The following MAP3K15 variants were observed in gnomAD, a reference collection of about 807,000 sequenced individuals.
MAP3K15 encodes the protein MAPK/ERK kinase kinase 15.
In MAP3K15, 124 loss-of-function variants were observed where a neutral mutation model predicts 99.5. The ratio of observed to expected loss-of-function variants is 1.25; its 90% CI spans 1.08 to 1.45. MAP3K15 has a LOEUF of 1.45. Among genes scored for constraint, MAP3K15 ranks in the 40% most tolerant of loss-of-function variants. The pLI is 0.00. For synonymous variants in MAP3K15, 494 were observed against 439.6 expected (o/e 1.12, Z -1.55); for missense variants, 1,242 against 1,079.7 (o/e 1.15, Z -2.11).
intron 6 of MAP3K15, among the ~76,000 whole-genome samples, chrX:19,441,372 G>C (rs1038921139): frequency 9.1e-5 from 10 of 109,611 alleles, no homozygotes; most frequent in African/African-American, 3.3e-4. Flanking sequence ...TGGGCTTTTG[G>C]TGGCGGGGGG....
At chrX:19,422,041 A>G (rs1346710190) in intron 9 of MAP3K15, among the ~76,000 whole-genome samples, 9 of 111,155 alleles carry the variant, frequency 8.1e-5, no homozygotes, top group African/African-American at 3.0e-4. Context: ...AAGATGGATT[A>G]AAGACTTACA....
chrX:19,484,979 T>A (rs2064313377), intron 3 of MAP3K15, among the ~76,000 whole-genome samples: 1 of 110,952 alleles, frequency 9.0e-6, no homozygotes, highest in Admixed American at 9.6e-5. Context: ...CCAATCTCCT[T>A]CGACTTCTTC....
At position 19,456,971 on chromosome X, in the gene MAP3K15, T is replaced by A. The variant is rs2064097941; in HGVS notation, c.937A>T (p.Thr313Ser). 8.3e-7 allele frequency: 1 copy of A among 1,199,694 alleles called. No homozygotes were observed. Among genetic ancestry groups the A allele is most frequent in the African/African-American group, 1.7e-5 (1 of 57,815 alleles). ...TTATGCTGATCGGCCAAATCACACGTAGGCAGCATCTCCAGTGTTTCCACC... is the reference window on the plus strand; with the variant it reads ...TTATGCTGATCGGCCAAATCACACGAAGGCAGCATCTCCAGTGTTTCCACC... ...KLVETLEMLP[T>S]CDLADQHNIK... The change falls in exon 6 of 29, where the codon ACG becomes TCG. Residue 313 changes from threonine to serine, a missense_variant. Physicochemically the swap from Thr to Ser is moderately conservative, Grantham distance 58. Transcript: ENST00000338883.
At chrX:19,366,006 C>CAAAAAA (rs1172350617) in intron 25 of MAP3K15, among the ~76,000 whole-genome samples, 14 of 20,067 alleles carry the variant, frequency 7.0e-4, no homozygotes, top group Admixed American at 1.3e-3. Flanking sequence ...GCCTCCATCT[C>CAAAAAA]AAAAAAAAAA....
At chrX:19,445,326 C>A (rs1236527971) in intron 6 of MAP3K15, among the ~76,000 whole-genome samples, 2 of 110,313 alleles carry the variant, frequency 1.8e-5, no homozygotes, top group Non-Finnish European at 3.8e-5. Context: ...CATGGTGGCT[C>A]ATGCCTGTAA....
At chrX:19,360,964 CCAG>C (rs1291071314) in intron 28 of MAP3K15, 131 bp from the exon 29 acceptor site, 2 of 474,964 alleles carry the variant, frequency 4.2e-6, no homozygotes, top group Non-Finnish European at 7.0e-6. Flanking sequence ...CGCTCGTGTC[CCAG>C]CAGTAGTAGG....
At chrX:19,470,031 C>T (rs1298234264) in intron 3 of MAP3K15, among the ~76,000 whole-genome samples, 2 of 111,384 alleles carry the variant, frequency 1.8e-5, no homozygotes, top group East Asian at 5.6e-4. Context: ...TACCATTTGA[C>T]CCAGCCATCC....
intron 19 of MAP3K15, among the ~76,000 whole-genome samples, chrX:19,379,409 G>A (rs1217992753): frequency 2.3e-5 from 2 of 87,502 alleles, no homozygotes; most frequent in Non-Finnish European, 4.4e-5. Flanking sequence ...ACTACCTACT[G>A]TCTTAAAGAT....
In MAP3K15 at chrX:19,514,997, G is replaced by T; in HGVS notation, c.265C>A (p.Arg89=). 9.0e-7 allele frequency: 1 copy of T among 1,114,861 alleles called. No individual in the cohort carries two copies. Among genetic ancestry groups the T allele is most frequent in the Non-Finnish European group, 1.2e-6 (1 of 852,724 alleles). 91.9% of individuals were successfully genotyped at this position (1,114,861 alleles called of 1,213,427 possible). ...TGAGCGCCCTCGGCCTCGCAGGCCC[G>T]CAGCAGGCACTGCCGCGCCCCAGCC... ...PEAGARQCLL[R]ACEAEGAHLT... is the part of the protein sequence containing the mutation. Residue 89 remains arginine, a synonymous_variant, in exon 1 of 29, where the codon CGG becomes AGG. Transcript: ENST00000338883.
intron 3 of MAP3K15, among the ~76,000 whole-genome samples, chrX:19,464,781 G>T (rs930905375): frequency 9.0e-6 from 1 of 111,638 alleles, no homozygotes; most frequent in Non-Finnish European, 1.9e-5. Context: ...TTTTCTTTCA[G>T]CATAGATGAA....
chrX:19,398,822 C>T (rs1402141908), intron 14 of MAP3K15, among the ~76,000 whole-genome samples: 1 of 111,006 alleles, frequency 9.0e-6, no homozygotes, highest in African/African-American at 3.3e-5. Flanking sequence ...CTGGGGCTTC[C>T]CCACTCTTTC....
intron 2 of MAP3K15, among the ~76,000 whole-genome samples, chrX:19,488,136 A>G (rs1480739733): frequency 8.9e-6 from 1 of 112,190 alleles, no homozygotes; most frequent in Non-Finnish European, 1.9e-5. Context: ...TTTCTGACTA[A>G]AATATTCAAC....
chrX:19,423,981 C>T (rs772722400), intron 9 of MAP3K15, among the ~76,000 whole-genome samples: 3 of 111,332 alleles, frequency 2.7e-5, no homozygotes, highest in Non-Finnish European at 5.7e-5. Flanking sequence ...CATGTTGTCA[C>T]ACATTTTTGC....
chrX:19,438,413 GT>G (rs2063937234), intron 6 of MAP3K15, among the ~76,000 whole-genome samples: 1 of 112,021 alleles, frequency 8.9e-6, no homozygotes, highest in Admixed American at 9.5e-5. Flanking sequence ...TATTACTTAT[GT>G]AAAAAATGCA....
chrX:19,480,653 TAAAAA>T (rs746641774), intron 3 of MAP3K15, among the ~76,000 whole-genome samples: 1 of 68,439 alleles, frequency 1.5e-5, no homozygotes, highest in African/African-American at 5.8e-5. Context: ...GGTCTCTACT[TAAAAA>T]AAAAAAAAAA....
intron 9 of MAP3K15, among the ~76,000 whole-genome samples, chrX:19,425,150 T>C (rs111504718): frequency 0.026 from 2,919 of 111,821 alleles, 99 homozygotes; most frequent in African/African-American, 0.088. Context: ...CATACCCTAT[T>C]ATTGTTCTTT....
chrX:19,476,133 A>T (rs909131885), intron 3 of MAP3K15, among the ~76,000 whole-genome samples: 1 of 112,315 alleles, frequency 8.9e-6, no homozygotes, highest in Non-Finnish European at 1.9e-5. Context: ...CTTCCAGAAA[A>T]CATCTTTTAT....
chrX:19,394,486 C>A (rs1157521327), intron 16 of MAP3K15, among the ~76,000 whole-genome samples: 2 of 111,921 alleles, frequency 1.8e-5, no homozygotes, highest in Non-Finnish European at 3.8e-5. Flanking sequence ...AGGAACTCCC[C>A]TCCTGTGCCC....
At chrX:19,384,807 G>C (rs1255738707) in intron 18 of MAP3K15, among the ~76,000 whole-genome samples, 1 of 90,075 alleles carries the variant, frequency 1.1e-5, no homozygotes, top group African/African-American at 3.9e-5. Flanking sequence ...ACTGAAAAGA[G>C]CATAACTGGA....
Sources: allele counts gnomAD v4.1 joint callset (sites outside exome capture counted in the v4.1 genomes callset), GRCh38; gene constraint gnomAD v4.1.1; transcripts MANE v1.5; gene names NCBI Gene and HGNC (gene_info 2026-07-23, HGNC 2026-07-21).